AZI2: variants seen among roughly 807,000 people sequenced by gnomAD.
The protein encoded by AZI2 is 5-azacytidine-induced protein 2.
In AZI2, 22 loss-of-function variants were observed where a neutral mutation model predicts 45.8. That is an observed-to-expected ratio of 0.48 (90% confidence interval 0.34 to 0.69). The LOEUF is 0.69. Among genes scored for constraint, AZI2 ranks in the 30% least tolerant of loss-of-function variants. The pLI, the probability that AZI2 is intolerant of heterozygous loss-of-function variation, is 0.01. For synonymous variants in AZI2, 137 were observed against 156.7 expected, an observed-to-expected ratio of 0.87 and a Z score of 0.94; for missense variants, 417 against 441.5, an observed-to-expected ratio of 0.94 and a Z score of 0.50.
At position 28,348,822 on chromosome 3, in the gene AZI2, G is replaced by A. The variant is rs1704392368; in HGVS notation, c.-227C>T. 1 of 386,270 alleles carries A rather than the reference G, an allele frequency of 2.6e-6. No homozygotes were observed. 23.9% of individuals were successfully genotyped at this position (386,270 alleles called of 1,614,324 possible). A position where few individuals can be genotyped will look rare whatever the true frequency, so the allele number is the denominator to read the frequency against. ...GCAGGAGCCCGGGACGTTCTGGAAG[G>A]AGGGACGAGCCGAGGCAGGAGGGGC... On this transcript the variant is annotated 5_prime_UTR_variant, in exon 1 of 8. Transcript: ENST00000479665.
At chr3:28,333,602 TTGAG>T (rs967614586) in intron 5 of AZI2, among the ~76,000 whole-genome samples, 3 of 151,756 alleles carry the variant, frequency 2.0e-5, no homozygotes, top group South Asian at 2.1e-4. Context: ...ATTTGACAGT[TTGAG>T]TGGGAAAATG....
intron 4 of AZI2, 125 bp from the exon 5 acceptor site, chr3:28,337,010 T>C (rs1034574241): frequency 1.6e-5 from 15 of 924,700 alleles, no homozygotes; most frequent in Admixed American, 5.9e-5. Context: ...ATATGATCAA[T>C]AGTTTTTTAA....
chr3:28,331,512 T>G (rs752309458), intron 6 of AZI2, among the ~76,000 whole-genome samples: 1 of 151,516 alleles, frequency 6.6e-6, no homozygotes. Flanking sequence ...GCTGGCACTT[T>G]ATAGAAAAAG....
At chr3:28,337,840 G>A (rs1703854377) in intron 4 of AZI2, 97 bp downstream of exon 4, 2 of 652,374 alleles carry the variant, frequency 3.1e-6, no homozygotes, top group Admixed American at 3.5e-5. Context: ...AATAAGTTAA[G>A]GTCTTAGCAT....
chr3:28,338,023 G>A lies in AZI2; in HGVS notation c.353C>T (p.Ser118Phe), dbSNP rs202144351. The A allele has an allele frequency of 3.2e-6, 5 of 1,580,862 alleles. No individual in the cohort carries two copies. In the African/African-American group the frequency reaches 6.8e-5, roughly 21 times the overall value. The change falls in exon 4 of 8, where the codon TCT becomes TTT. Residue 118 changes from serine (S) to phenylalanine (F), a missense_variant. By Grantham distance (155) the Ser-to-Phe change is radical. Transcript: ENST00000479665. ...SKLDKMNKDN[S>F]ESLKVLNEQL... ...CTCATTCAATACTTTCAAAGATTCA[G>A]AGTTGTCTTTATTCTAGTTAAGTAG... is the stretch of plus-strand genomic sequence containing the variant.
intron 1 of AZI2, 81 bp from the exon 2 acceptor site, chr3:28,340,703 T>C (rs1476304317): frequency 4.7e-6 from 5 of 1,055,798 alleles, no homozygotes; most frequent in Admixed American, 2.4e-5. Flanking sequence ...TTAAGAATAA[T>C]GTAAATACTA....
Position 28,326,832 on chromosome 3 carries a change from C to T in AZI2, c.766G>A (p.Ala256Thr). The change falls in exon 7 of 8, where the codon GCC (alanine) becomes ACC (threonine). Residue 256 changes from alanine (A) to threonine (T), a missense_variant and splice_region_variant. Ala to Thr is a moderately conservative substitution (Grantham distance 58). Coordinates refer to ENST00000479665, the MANE Select transcript of AZI2 (RefSeq NM_022461.5). ...KLKTSTAIKK[A>T]CAPVGCSEDL... is the part of the protein sequence containing the mutation. ...TGGTTTCCGGTAAACAGTGACTTGC[C>T]TTTCTTGATTGCAGTTGAGGTTTTC... The T allele has an allele frequency of 6.2e-7, 1 of 1,602,332 alleles. No individual in the cohort carries two copies. Among genetic ancestry groups the T allele is most frequent in the South Asian group, 1.1e-5 (1 of 90,862 alleles).
Position 28,324,155 on chromosome 3 carries a change from T to G in AZI2, c.1066A>C (p.Lys356Gln), listed in dbSNP as rs1703291525. The G allele has an allele frequency of 6.2e-7, 1 of 1,610,748 alleles. No homozygotes were observed. The highest frequency in any genetic ancestry group is 8.5e-7 in the Non-Finnish European group (1 of 1,177,658). The stretch of plus-strand genomic sequence containing the variant: ...TCCCCAAATGCTGTCTCACTTGATT[T>G]AGGAGGACTTGGAAATACCCAGGAA... ...DNSWVFPSPP[K>Q]SSETAFGETK... The change falls in exon 8 of 8, where the codon AAA (lysine) becomes CAA (glutamine). Residue 356 changes from lysine to glutamine, a missense_variant. Coordinates refer to ENST00000479665, the MANE Select transcript of AZI2 (RefSeq NM_022461.5).
At chr3:28,342,763 G>C (rs1283523299) in intron 1 of AZI2, among the ~76,000 whole-genome samples, 2 of 150,600 alleles carry the variant, frequency 1.3e-5, no homozygotes, top group Non-Finnish European at 3.0e-5. Flanking sequence ...CTTAAAAGTA[G>C]AGCAAGTAAA....
At position 28,338,624 on chromosome 3, in the gene AZI2, A is replaced by G. The variant is rs1458023031; in HGVS notation, c.217-9T>C. 7 of 1,605,536 alleles carry G rather than the reference A, an allele frequency of 4.4e-6. No homozygotes were observed. The highest frequency in any genetic ancestry group is 3.3e-4 in the Middle Eastern group (2 of 6,064). On this transcript the variant is annotated splice_polypyrimidine_tract_variant and intron_variant, in intron 2 of 7. Transcript: ENST00000479665. Reference sequence around the variant, plus strand: ...TCAAATCGAGCTATTAGCTAACGGTATGAAATTAGAAGAGAAAGCTTAAGA... The same window carrying G: ...TCAAATCGAGCTATTAGCTAACGGTGTGAAATTAGAAGAGAAAGCTTAAGA...
chr3:28,331,358 C>G (rs938204250), intron 6 of AZI2, among the ~76,000 whole-genome samples: 1 of 151,406 alleles, frequency 6.6e-6, no homozygotes, highest in African/African-American at 2.4e-5. Flanking sequence ...CTATACTAGA[C>G]ACATTTTTCA....
chr3:28,326,714 C>G (rs1703404569), intron 7 of AZI2, 118 bp downstream of exon 7: 6 of 818,922 alleles, frequency 7.3e-6, no homozygotes, highest in Non-Finnish European at 1.3e-5. Context: ...TGCGAATGTA[C>G]TATATATACT....
chr3:28,326,796 G>A (rs750457830), intron 7 of AZI2, 36 bp downstream of exon 7: 2 of 1,471,528 alleles, frequency 1.4e-6, no homozygotes, highest in Non-Finnish European at 9.5e-7. Flanking sequence ...AGGCAGTTTG[G>A]CTGGAATCAG....
Position 28,348,622 on chromosome 3 carries a change from G to T in AZI2, c.-27C>A, listed in dbSNP as rs1411265273. On this transcript the variant is annotated 5_prime_UTR_variant, in exon 1 of 8. Coordinates refer to ENST00000479665, the MANE Select transcript of AZI2 (RefSeq NM_022461.5). ...TCACCCAGAAGCCAGGCTACGTAGG[G>T]CCGCCCCCAAGGCCGCCGAGTTTCG... is the stretch of plus-strand genomic sequence containing the variant. 1 of 152,786 alleles carries T rather than the reference G, an allele frequency of 6.5e-6. No homozygotes were observed. The highest frequency in any genetic ancestry group is 1.5e-5 in the Non-Finnish European group (1 of 68,168). The allele number at this position is 152,786 out of a possible 1,614,324, so 9.5% of individuals were successfully genotyped here.
chr3:28,343,068 T>A (rs1577141346), intron 1 of AZI2, among the ~76,000 whole-genome samples: 1 of 152,036 alleles, frequency 6.6e-6, no homozygotes, highest in Non-Finnish European at 1.5e-5. Context: ...ATTTTTATCA[T>A]GAAACAATCA....
chr3:28,338,344 A>T (rs1426169108), intron 3 of AZI2, 149 bp downstream of exon 3: 36 of 852,248 alleles, frequency 4.2e-5, no homozygotes, highest in Non-Finnish European at 5.7e-5. Context: ...ATAAGTTAAA[A>T]TATTACTAAA....
In AZI2 at chr3:28,321,708, A is replaced by C. The variant is rs1703193439; in HGVS notation, c.*2334T>G. ...ACATGATTCAGCTCTTCAAGTCTGAATTTTCCCATTTATTTTGGTTTTCTA... is the reference window on the plus strand; with the variant it reads ...ACATGATTCAGCTCTTCAAGTCTGACTTTTCCCATTTATTTTGGTTTTCTA... On this transcript the variant is annotated 3_prime_UTR_variant, in exon 8 of 8. Transcript: ENST00000479665. 1 of 151,234 alleles carries C rather than the reference A, an allele frequency of 6.6e-6. No homozygotes were observed. The highest frequency in any genetic ancestry group is 2.4e-5 in the African/African-American group (1 of 41,292). The allele number at this position is 151,234 out of a possible 1,614,324, so 9.4% of individuals were successfully genotyped here.
chr3:28,333,881 C>T (rs567180771), intron 5 of AZI2, among the ~76,000 whole-genome samples: 114 of 151,458 alleles, frequency 7.5e-4, no homozygotes, highest in African/African-American at 2.6e-3. Context: ...TAATATACTA[C>T]AGTACACTGT....
At chr3:28,341,296 T>A (rs1210897441) in intron 1 of AZI2, among the ~76,000 whole-genome samples, 2 of 152,114 alleles carry the variant, frequency 1.3e-5, no homozygotes, top group East Asian at 3.8e-4. Context: ...CTATATTTTA[T>A]AGGTAGGTCT....
Sources: allele counts gnomAD v4.1 joint callset (sites outside exome capture counted in the v4.1 genomes callset), GRCh38; gene constraint gnomAD v4.1.1; transcripts MANE v1.5; gene names NCBI Gene and HGNC (gene_info 2026-07-23, HGNC 2026-07-21).